The following REV3L variants were observed in gnomAD, a reference collection of about 807,000 sequenced individuals.
REV3L encodes the protein REV3 like, DNA directed polymerase zeta catalytic subunit.
A neutral mutation model predicts 299.4 loss-of-function variants in REV3L; 69 were observed. That is an observed-to-expected ratio of 0.23 (90% CI 0.19 to 0.28). The LOEUF (loss-of-function observed/expected upper bound fraction) is 0.28. REV3L is among the 10% of genes least tolerant of loss of function. REV3L has a pLI of 1.00. For synonymous variants in REV3L, 1,238 were observed against 1,271.4 expected, an observed-to-expected ratio of 0.97 and a Z score of 0.56; for missense variants, 3,128 against 3,693.8, an observed-to-expected ratio of 0.85 and a Z score of 3.97.
In REV3L at chr6:111,422,617, T is replaced by C. The variant is rs1166148467; in HGVS notation, c.140-6145A>G. On this transcript the variant is annotated intron_variant, in intron 1 of 31. Coordinates refer to ENST00000368802, the MANE Select transcript of REV3L (RefSeq NM_001372078.1). ...ATACACATATATATATATATACACA[T>C]ATATATATATATACACATATATATA... is the stretch of plus-strand genomic sequence containing the variant. 4.6e-3 allele frequency among the ~76,000 whole-genome samples: 94 copies of C among 20,240 alleles called. 21 individuals carry two copies. The highest frequency in any genetic ancestry group is 0.04 in the South Asian group (19 of 478). The allele number at this position is 20,240 out of a possible 152,430, so 13.3% of individuals were successfully genotyped here.
intron 1 of REV3L, among the ~76,000 whole-genome samples, chr6:111,420,774 G>C (rs934620468): frequency 2.6e-5 from 4 of 152,174 alleles, no homozygotes; most frequent in Admixed American, 2.0e-4. Context: ...ATAACAAAAG[G>C]CAGATGCCTC....
intron 2 of REV3L, among the ~76,000 whole-genome samples, chr6:111,412,446 A>T (rs745357720): frequency 7.9e-5 from 12 of 152,188 alleles, no homozygotes; most frequent in Admixed American, 2.0e-4. Flanking sequence ...TTCAAGGATG[A>T]TGTAATTAGA....
chr6:111,352,342 G>C (rs1285666997), intron 18 of REV3L, among the ~76,000 whole-genome samples: 1 of 152,082 alleles, frequency 6.6e-6, no homozygotes, highest in Non-Finnish European at 1.5e-5. Flanking sequence ...CTGTGTATTT[G>C]TTTGATACAA....
chr6:111,405,648 A>T lies in REV3L; in HGVS notation c.405-18T>A. The T allele has an allele frequency of 6.5e-7, 1 of 1,530,274 alleles. No individual in the cohort carries two copies. Among genetic ancestry groups the T allele is most frequent in the Non-Finnish European group, 8.9e-7 (1 of 1,124,520 alleles). The allele number at this position is 1,530,274 out of a possible 1,614,324, so 94.8% of individuals were successfully genotyped here. A position where few individuals can be genotyped will look rare whatever the true frequency, so the allele number is the denominator to read the frequency against. Reference sequence around the variant, plus strand: ...CACATATCCTAAATTAGAAAAAAAAAGTTTTATCATAAAATTATGTTCCCT... The same window carrying T: ...CACATATCCTAAATTAGAAAAAAAATGTTTTATCATAAAATTATGTTCCCT... On this transcript the variant is annotated intron_variant, in intron 3 of 31. Transcript: ENST00000368802.
intron 10 of REV3L, 104 bp from the exon 11 acceptor site, chr6:111,380,323 G>A: frequency 1.3e-6 from 1 of 761,722 alleles, no homozygotes; most frequent in Non-Finnish European, 2.1e-6. Context: ...GCAGTGGCGT[G>A]ATCTAGGCTC....
At chr6:111,344,101 G>A in intron 20 of REV3L, 58 bp from the exon 21 acceptor site, 1 of 1,182,816 alleles carries the variant, frequency 8.5e-7, no homozygotes, top group Non-Finnish European at 1.2e-6. Flanking sequence ...AGCAAATTTG[G>A]TTCTAAAAGA....
At chr6:111,315,466 C>G (rs1162222702) in intron 26 of REV3L, 85 bp from the exon 27 acceptor site, 2 of 967,286 alleles carry the variant, frequency 2.1e-6, no homozygotes, top group Non-Finnish European at 1.6e-6. Context: ...GGCTATGACT[C>G]TTGTCTAATG....
At position 111,357,420 on chromosome 6, in the gene REV3L, C is replaced by T. The variant is rs977267873; in HGVS notation, c.7073-295G>A. Among the ~76,000 whole-genome samples the T allele has an allele frequency of 2.6e-5, 4 of 152,282 alleles. No homozygotes were observed. In the South Asian group the frequency reaches 8.3e-4, roughly 32 times the overall value. ...AAAATAACATATCACTGGCTGGGTG[C>T]AGTGGCTCACGCCTGTAATCCCAGC... On this transcript the variant is annotated intron_variant, in intron 17 of 31. Coordinates refer to ENST00000368802, the MANE Select transcript of REV3L (RefSeq NM_001372078.1).
intron 1 of REV3L, among the ~76,000 whole-genome samples, chr6:111,432,780 A>T (rs1321076724): frequency 6.6e-6 from 1 of 152,210 alleles, no homozygotes; most frequent in Non-Finnish European, 1.5e-5. Context: ...CATTCTCCGA[A>T]ACAAATCATA....
intron 5 of REV3L, 61 bp downstream of exon 5, chr6:111,392,815 G>C: frequency 9.5e-7 from 1 of 1,057,300 alleles, no homozygotes; most frequent in Non-Finnish European, 1.5e-6. Context: ...GGTAACCACT[G>C]ATTTCTGATC....
At position 111,354,741 on chromosome 6, in the gene REV3L, A is replaced by G. The variant is rs542496247; in HGVS notation, c.7184+2273T>C. 5.3e-5 allele frequency among the ~76,000 whole-genome samples: 8 copies of G among 152,350 alleles called. No individual in the cohort carries two copies. The Middle Eastern group carries it at 0.01, about 194-fold the overall frequency. On this transcript the variant is annotated intron_variant, in intron 18 of 31. Transcript: ENST00000368802. Reference sequence around the variant, plus strand: ...TCAGGTTTCTGAAAGTTACAGAAAGAATAAAGTTGGGTAGATGGGATTAGT... The same window carrying G: ...TCAGGTTTCTGAAAGTTACAGAAAGGATAAAGTTGGGTAGATGGGATTAGT...
At position 111,373,279 on chromosome 6, in the gene REV3L, T is replaced by G. The variant is rs1779982823; in HGVS notation, c.5076A>C (p.Glu1692Asp). Reference sequence around the variant, plus strand: ...TGTCATGACTTAAAAACTCATTTTTTTCTATAGCTTGTCCTGGAAAAAGAT... The same window carrying G: ...TGTCATGACTTAAAAACTCATTTTTGTCTATAGCTTGTCCTGGAAAAAGAT... ...VQDLFPGQAIEKNEFLSHDNQ... is the reference protein window; with the variant it reads ...VQDLFPGQAIDKNEFLSHDNQ... Residue 1692 changes from glutamate (E) to aspartate (D), a missense_variant, in exon 13 of 32, where the codon GAA becomes GAC. By Grantham distance (45) the Glu-to-Asp change is conservative. Coordinates refer to ENST00000368802, the MANE Select transcript of REV3L (RefSeq NM_001372078.1). 5 of 1,614,084 alleles carry G rather than the reference T, an allele frequency of 3.1e-6. No homozygotes were observed. Among genetic ancestry groups the G allele is most frequent in the Non-Finnish European group, 4.2e-6 (5 of 1,180,000 alleles).
In REV3L at chr6:111,392,921, G is replaced by C. The variant is rs1483478851; in HGVS notation, c.617C>G (p.Ser206Cys). ...CCACCGAAATAAAGTATCAGCAAGA[G>C]AATTTCCTGATAAATGATTCTTGCA... ...GSCKNHLSGN[S>C]LADTLFRWEQ... is the part of the protein sequence containing the mutation. The change falls in exon 5 of 32, where the codon TCT becomes TGT. Residue 206 changes from serine to cysteine, a missense_variant. Ser to Cys is a moderately radical substitution (Grantham distance 112, BLOSUM62 -1). This residue lies in a region of REV3L where 2,409 missense variants were observed against 2,611.8 expected (regional missense o/e 0.92). Transcript: ENST00000368802. The C allele has an allele frequency of 1.2e-6, 2 of 1,612,752 alleles. No homozygotes were observed. The highest frequency in any genetic ancestry group is 1.7e-6 in the Non-Finnish European group (2 of 1,178,980).
At chr6:111,329,495 G>T in intron 25 of REV3L, 37 bp downstream of exon 25, 1 of 1,594,578 alleles carries the variant, frequency 6.3e-7, no homozygotes, top group Non-Finnish European at 8.6e-7. Context: ...CTGTATTTTA[G>T]TCTCTTTTGA....
chr6:111,395,014 C>A (rs1391740132), intron 4 of REV3L, among the ~76,000 whole-genome samples: 1 of 152,142 alleles, frequency 6.6e-6, no homozygotes, highest in Non-Finnish European at 1.5e-5. Context: ...TTTATACCAA[C>A]ACCATGCTGA....
intron 2 of REV3L, among the ~76,000 whole-genome samples, chr6:111,413,729 A>G (rs1195632834): frequency 6.6e-6 from 1 of 152,086 alleles, no homozygotes; most frequent in East Asian, 1.9e-4. Flanking sequence ...AACTGCAATG[A>G]AAAATTAGAG....
intron 1 of REV3L, among the ~76,000 whole-genome samples, chr6:111,461,044 A>C (rs1583074025): frequency 6.6e-6 from 1 of 152,166 alleles, no homozygotes; most frequent in South Asian, 2.1e-4. Context: ...TTACTAGCTT[A>C]TGTATTTATT....
intron 1 of REV3L, among the ~76,000 whole-genome samples, chr6:111,426,469 A>G (rs1786195389): frequency 6.6e-6 from 1 of 152,226 alleles, no homozygotes; most frequent in South Asian, 2.1e-4. Flanking sequence ...CATTTATGCC[A>G]GAGGTTGCAA....
rs1367065862 is a variant in REV3L at position 111,363,897 on chromosome 6, T to C, written c.6835A>G (p.Lys2279Glu). The stretch of plus-strand genomic sequence containing the variant: ...TCCTGTAAGTTTTGTATGCTGACTT[T>C]GAAACCGTAAGTATTGTTTAAAGAT... Reference protein sequence around the residue: ...GPSLNNTYGFKVSIQNLQEAK... With the variant: ...GPSLNNTYGFEVSIQNLQEAK... Residue 2279 changes from lysine (K) to glutamate (E), a missense_variant, in exon 16 of 32, where the codon AAA (lysine) becomes GAA (glutamate). Physicochemically the swap from Lys to Glu is moderately conservative, Grantham distance 56. Transcript: ENST00000368802. 6.2e-7 allele frequency: 1 copy of C among 1,613,476 alleles called. No homozygotes were observed. The highest frequency in any genetic ancestry group is 1.1e-5 in the South Asian group (1 of 91,058).
Sources: gnomAD v4.1 joint callset for allele counts (sites outside exome capture counted in the v4.1 genomes callset) on GRCh38, gnomAD v4.1.1 for gene constraint, gnomAD v4.1.1 regional missense constraint, MANE v1.5 for transcripts, NCBI Gene and HGNC (gene_info 2026-07-23, HGNC 2026-07-21) for gene names.